The following USP32 variants were observed in gnomAD, a reference collection of about 807,000 sequenced individuals.
The protein encoded by USP32 is ubiquitin specific peptidase 32, also known as ubiquitin carboxyl-terminal hydrolase 32.
USP32 carries 59 observed loss-of-function variants against 204.8 expected under a neutral mutation model. The observed-to-expected ratio is 0.29, with a 90% CI of 0.23 to 0.36. The LOEUF (loss-of-function observed/expected upper bound fraction) is 0.36, where lower values mean the gene tolerates loss of function less well. Among genes scored for constraint, USP32 ranks in the 10% least tolerant of loss-of-function variants. The pLI, the probability that USP32 is intolerant of heterozygous loss-of-function variation, is 1.00. For missense variants in USP32, 1,160 were observed against 1,946.4 expected, an observed-to-expected ratio of 0.60 and a Z score of 7.60; for synonymous variants, 517 against 678.4, an observed-to-expected ratio of 0.76 and a Z score of 3.70.
At chr17:60,222,635 C>T in intron 14 of USP32, 86 bp from the exon 15 acceptor site, 1 of 1,187,492 alleles carries the variant, frequency 8.4e-7, no homozygotes, top group Non-Finnish European at 1.2e-6. Context: ...GGAAAACAAA[C>T]TCATATATCA....
intron 1 of USP32, among the ~76,000 whole-genome samples, chr17:60,417,781 A>ATTTATT (rs200504332): frequency 1.4e-4 from 21 of 149,712 alleles, no homozygotes; most frequent in Non-Finnish European, 2.2e-4. Flanking sequence ...TTATGTATTT[A>ATTTATT]TTTATTTTTA....
chr17:60,238,230 A>G (rs1170451157), intron 11 of USP32, among the ~76,000 whole-genome samples: 2 of 152,132 alleles, frequency 1.3e-5, no homozygotes, highest in Non-Finnish European at 2.9e-5. Flanking sequence ...TTAGGTGTCT[A>G]TTTTTAAATT....
At chr17:60,231,410 G>T in intron 12 of USP32, 1 of 355,236 alleles carries the variant, frequency 2.8e-6, no homozygotes, top group East Asian at 6.1e-5. Context: ...TAAAATAATT[G>T]TCTGATACAG....
At chr17:60,295,799 A>G (rs1207700149) in intron 3 of USP32, among the ~76,000 whole-genome samples, 1 of 152,196 alleles carries the variant, frequency 6.6e-6, no homozygotes, top group Non-Finnish European at 1.5e-5. Context: ...TAATTTTTAA[A>G]TTAATCTTTA....
intron 1 of USP32, among the ~76,000 whole-genome samples, chr17:60,350,843 T>C (rs975092682): frequency 6.6e-6 from 1 of 152,024 alleles, no homozygotes; most frequent in African/African-American, 2.4e-5. Context: ...ATTTCACCAC[T>C]GCACACTTCA....
At position 60,271,063 on chromosome 17, in the gene USP32, T is replaced by G. The variant is rs1289513139; in HGVS notation, c.703+287A>C. Among the ~76,000 whole-genome samples the G allele has an allele frequency of 2.6e-5, 4 of 152,168 alleles. No homozygotes were observed. The East Asian group carries it at 7.7e-4, about 29-fold the overall frequency. On this transcript the variant is annotated intron_variant, in intron 6 of 33. Transcript: ENST00000300896. ...CATGACTCCAGGCACTAGCTACTAA[T>G]GCACCTTACTGGAACACAGTATCAC...
At chr17:60,245,509 T>C (rs2085995597) in intron 11 of USP32, 1 of 332,934 alleles carries the variant, frequency 3.0e-6, no homozygotes, top group Non-Finnish European at 5.8e-6. Context: ...CTGAACCTTC[T>C]ACAAACTCTG....
intron 1 of USP32, among the ~76,000 whole-genome samples, chr17:60,360,534 C>T (rs1347095990): frequency 2.6e-5 from 4 of 151,718 alleles, no homozygotes; most frequent in Non-Finnish European, 5.9e-5. Flanking sequence ...TGGCACATGC[C>T]TGTAGTCCCA....
intron 1 of USP32, among the ~76,000 whole-genome samples, chr17:60,358,153 T>C (rs757495273): frequency 2.0e-5 from 3 of 152,206 alleles, no homozygotes; most frequent in Non-Finnish European, 4.4e-5. Context: ...TACTTTTTTA[T>C]TGCAAATATA....
In USP32 at chr17:60,241,187, C is replaced by T. The variant is rs1029471574; in HGVS notation, c.1137-4947G>A. Among the ~76,000 whole-genome samples the T allele has an allele frequency of 2.6e-5, 4 of 152,180 alleles. No homozygotes were observed. In the East Asian group the frequency reaches 7.7e-4, roughly 29 times the overall value. On this transcript the variant is annotated intron_variant, in intron 11 of 33. Transcript: ENST00000300896. ...TAATTTTTTGTATTTTTAGTACAGA[C>T]GGGGTTCCATCATGTTGGCCAGGCT...
chr17:60,258,308 T>G (rs1227985620), intron 9 of USP32: 1 of 182,930 alleles, frequency 5.5e-6, no homozygotes, highest in Non-Finnish European at 1.3e-5. Flanking sequence ...TGTTGTCAGT[T>G]TGAGGATGAG....
At chr17:60,290,293 C>T (rs1013876413) in intron 4 of USP32, among the ~76,000 whole-genome samples, 5 of 152,206 alleles carry the variant, frequency 3.3e-5, no homozygotes, top group African/African-American at 9.7e-5. Context: ...AACTCCCAAC[C>T]TTCTCTTTGT....
chr17:60,202,096 GT>G (rs1401429748), intron 26 of USP32, among the ~76,000 whole-genome samples: 1 of 152,148 alleles, frequency 6.6e-6, no homozygotes, highest in Non-Finnish European at 1.5e-5. Flanking sequence ...ACCTGGAATT[GT>G]GGTGAAAGGT....
At chr17:60,414,635 G>A (rs2090046450) in intron 1 of USP32, among the ~76,000 whole-genome samples, 2 of 151,668 alleles carry the variant, frequency 1.3e-5, no homozygotes, top group Non-Finnish European at 2.9e-5. Flanking sequence ...TGCCATGTTG[G>A]TCAGGTTGGC....
chr17:60,194,672 A>G (rs1447343211), intron 27 of USP32, among the ~76,000 whole-genome samples: 1 of 152,158 alleles, frequency 6.6e-6, no homozygotes, highest in East Asian at 1.9e-4. Flanking sequence ...CCTCCACCCC[A>G]TATGTAAACC....
chr17:60,265,615 C>A (rs1415248600), intron 8 of USP32, 141 bp from the exon 9 acceptor site: 6 of 622,534 alleles, frequency 9.6e-6, no homozygotes, highest in Non-Finnish European at 1.6e-5. Flanking sequence ...CCAGGATTAT[C>A]TCAAACTCCT....
At chr17:60,236,409 C>CA (rs2085726815) in intron 11 of USP32, among the ~76,000 whole-genome samples, 169 bp from the exon 12 acceptor site, 1 of 151,952 alleles carries the variant, frequency 6.6e-6, no homozygotes, top group Admixed American at 6.6e-5. Flanking sequence ...ATTGATAAAC[C>CA]AATTTCAAGA....
chr17:60,221,191 C>T (rs1284013881), intron 15 of USP32, among the ~76,000 whole-genome samples: 1 of 151,832 alleles, frequency 6.6e-6, no homozygotes, highest in Non-Finnish European at 1.5e-5. Flanking sequence ...ACCAGGAGTT[C>T]GAGACCAGCC....
intron 1 of USP32, among the ~76,000 whole-genome samples, chr17:60,352,045 T>A: frequency 6.6e-6 from 1 of 151,928 alleles, no homozygotes; most frequent in East Asian, 1.9e-4. Flanking sequence ...ATAAATGGAG[T>A]ACAGGGTATA....
Sources: allele counts gnomAD v4.1 joint callset (sites outside exome capture counted in the v4.1 genomes callset), GRCh38; gene constraint gnomAD v4.1.1; transcripts MANE v1.5; gene names NCBI Gene and HGNC (gene_info 2026-07-23, HGNC 2026-07-21).